Variants in RBMS2 observed in about 807,000 individuals in gnomAD.
The protein encoded by RBMS2 is RNA-binding motif, single-stranded-interacting protein 2.
Under a neutral mutation model 58.4 loss-of-function variants are expected in RBMS2, and 38 were observed. That is an observed-to-expected ratio of 0.65 (90% CI 0.50 to 0.85). RBMS2 has a LOEUF of 0.85. RBMS2 is among the 40% of genes least tolerant of loss of function. The probability of loss-of-function intolerance (pLI) is 0.00; values close to 1 mark genes in which losing one functional copy is unlikely to be tolerated. For synonymous variants in RBMS2, 151 were observed against 180.7 expected (o/e 0.84, Z 1.32); for missense variants, 367 against 503.7 (o/e 0.73, Z 2.60).
intron 5 of RBMS2, among the ~76,000 whole-genome samples, chr12:56,577,840 G>A (rs1409497633): frequency 6.6e-5 from 10 of 152,042 alleles, no homozygotes; most frequent in Admixed American, 3.3e-4. Flanking sequence ...ATGCCGCCAC[G>A]CCCGGCTAAT....
chr12:56,546,460 AAAAT>A (rs961759187), intron 1 of RBMS2, among the ~76,000 whole-genome samples: 10 of 145,590 alleles, frequency 6.9e-5, no homozygotes, highest in African/African-American at 2.2e-4. Context: ...AAAATAATAT[AAAAT>A]AAATGTATAT....
Position 56,593,459 on chromosome 12 carries a change from C to G in RBMS2, c.*4326C>G, listed in dbSNP as rs1484401716. 6.6e-6 allele frequency: 1 copy of G among 152,266 alleles called. No individual in the cohort carries two copies. Among genetic ancestry groups the G allele is most frequent in the Non-Finnish European group, 1.5e-5 (1 of 68,084 alleles). The allele number at this position is 152,266 out of a possible 1,614,324, so 9.4% of individuals were successfully genotyped here. The stretch of plus-strand genomic sequence containing the variant: ...ATGTTGCCCAGCCTCGTCTCGAACT[C>G]CTGGGCTCAAATGATCCACCCACCT... On this transcript the variant is annotated 3_prime_UTR_variant, in exon 14 of 14. Coordinates refer to ENST00000262031, the MANE Select transcript of RBMS2 (RefSeq NM_002898.4).
rs954744476 is a variant in RBMS2 at position 56,570,185 on chromosome 12, T to C, written c.384+195T>C. Among the ~76,000 whole-genome samples the C allele has an allele frequency of 2.6e-5, 4 of 152,162 alleles. No homozygotes were observed. The South Asian group carries it at 8.3e-4, about 32-fold the overall frequency. On this transcript the variant is annotated intron_variant, in intron 4 of 13. Transcript: ENST00000262031. Reference sequence around the variant, plus strand: ...ATTCAAAGTCTATGGCAGGTAGCTCTATCAGCTCTCTTCCTTTCACCAAGT... The same window carrying C: ...ATTCAAAGTCTATGGCAGGTAGCTCCATCAGCTCTCTTCCTTTCACCAAGT...
At chr12:56,554,427 T>C (rs980051269) in intron 1 of RBMS2, among the ~76,000 whole-genome samples, 9 of 152,184 alleles carry the variant, frequency 5.9e-5, no homozygotes, top group African/African-American at 2.2e-4. Context: ...CAAGATTATG[T>C]CCTTTGCATG....
intron 1 of RBMS2, among the ~76,000 whole-genome samples, chr12:56,548,984 T>A (rs1877747235): frequency 6.6e-6 from 1 of 152,098 alleles, no homozygotes; most frequent in South Asian, 2.1e-4. Flanking sequence ...AGAGCTTAAT[T>A]TTCAGAAATG....
chr12:56,542,059 A>ATT (rs11410083), intron 1 of RBMS2, among the ~76,000 whole-genome samples: 182 of 151,524 alleles, frequency 1.2e-3, no homozygotes, highest in Middle Eastern at 3.4e-3. Context: ...TAGTAGATTT[A>ATT]TTTTTTTTGA....
At chr12:56,534,513 A>G (rs1874386527) in intron 1 of RBMS2, among the ~76,000 whole-genome samples, 1 of 152,136 alleles carries the variant, frequency 6.6e-6, no homozygotes, top group African/African-American at 2.4e-5. Context: ...CATCCTTTCC[A>G]TTTTTTGATA....
rs1879236177 is a variant in RBMS2 at position 56,556,383 on chromosome 12, T to G, written c.67-6034T>G. ...CATGACTTTGTCTTTTAGCTTTTTTTTTTTTTTTTGATGACAGAGTCTCAC... is the reference window on the plus strand; with the variant it reads ...CATGACTTTGTCTTTTAGCTTTTTTGTTTTTTTTTGATGACAGAGTCTCAC... On this transcript the variant is annotated intron_variant, in intron 1 of 13. Transcript: ENST00000262031. Among the ~76,000 whole-genome samples the G allele has an allele frequency of 4.6e-5, 7 of 151,398 alleles. No individual in the cohort carries two copies. The South Asian group carries it at 1.5e-3, about 32-fold the overall frequency.
At chr12:56,558,926 T>C (rs1879830561) in intron 1 of RBMS2, among the ~76,000 whole-genome samples, 1 of 152,082 alleles carries the variant, frequency 6.6e-6, no homozygotes, top group Non-Finnish European at 1.5e-5. Context: ...AGTTAGGGTC[T>C]CACTATGTTG....
Position 56,595,282 on chromosome 12 carries a change from A to G in RBMS2, c.*6149A>G, listed in dbSNP as rs1233894395. The G allele has an allele frequency of 1.3e-5, 2 of 152,190 alleles. No homozygotes were observed. The highest frequency in any genetic ancestry group is 4.8e-5 in the African/African-American group (2 of 41,444). The allele number at this position is 152,190 out of a possible 1,614,324, so 9.4% of individuals were successfully genotyped here. On this transcript the variant is annotated 3_prime_UTR_variant, in exon 14 of 14. Coordinates refer to ENST00000262031, the MANE Select transcript of RBMS2 (RefSeq NM_002898.4). ...ACAGTTTAGGGGGTTGCACCAAGAC[A>G]AAGTTTCCAGGCTGGAGGGTAATAC...
intron 5 of RBMS2, among the ~76,000 whole-genome samples, chr12:56,579,998 C>G (rs1031927256): frequency 6.6e-6 from 1 of 152,076 alleles, no homozygotes; most frequent in African/African-American, 2.4e-5. Context: ...GGCATGATCT[C>G]AGCTCACTGC....
chr12:56,520,946 G>A (rs1306281875), upstream of RBMS2, among the ~76,000 whole-genome samples: 1 of 152,194 alleles, frequency 6.6e-6, no homozygotes, highest in Non-Finnish European at 1.5e-5. Flanking sequence ...ATATAGTCCA[G>A]TCTGATAATT....
In RBMS2 at chr12:56,549,781, C is replaced by A. The variant is rs573316168; in HGVS notation, c.67-12636C>A. ...GGGGCTCATGCCTATAATCCCAGCA[C>A]TTTGGGAGGCTGAGGCGGGCAGATC... On this transcript the variant is annotated intron_variant, in intron 1 of 13. Transcript: ENST00000262031. 1.4e-4 allele frequency among the ~76,000 whole-genome samples: 21 copies of A among 152,238 alleles called. No homozygotes were observed. In the South Asian group the frequency reaches 1.9e-3, roughly 14 times the overall value.
At chr12:56,555,215 TTTTG>T in intron 1 of RBMS2, among the ~76,000 whole-genome samples, 1 of 151,886 alleles carries the variant, frequency 6.6e-6, no homozygotes, top group Non-Finnish European at 1.5e-5. Flanking sequence ...ATTCCTTCTG[TTTTG>T]TTTTTTTTTA....
chr12:56,588,168 T>C, intron 11 of RBMS2, 126 bp from the exon 12 acceptor site: 1 of 763,396 alleles, frequency 1.3e-6, no homozygotes, highest in Non-Finnish European at 2.2e-6. Context: ...ATGCAAATGC[T>C]CAGACCAATT....
intron 1 of RBMS2, among the ~76,000 whole-genome samples, chr12:56,559,115 T>C (rs1479207057): frequency 6.6e-6 from 1 of 152,164 alleles, no homozygotes; most frequent in Non-Finnish European, 1.5e-5. Context: ...TACAGTCTCA[T>C]ATTCAGAGAA....
At chr12:56,564,872 G>A (rs1481645590) in intron 2 of RBMS2, among the ~76,000 whole-genome samples, 2 of 152,154 alleles carry the variant, frequency 1.3e-5, no homozygotes, top group Non-Finnish European at 2.9e-5. Context: ...TACTCAGGAG[G>A]CTGAGGCAGA....
At chr12:56,578,963 A>G (rs768334766) in intron 5 of RBMS2, among the ~76,000 whole-genome samples, 10 of 151,906 alleles carry the variant, frequency 6.6e-5, no homozygotes, top group Non-Finnish European at 1.2e-4. Flanking sequence ...GACTCCATCT[A>G]AAAAAACAAA....
intron 1 of RBMS2, among the ~76,000 whole-genome samples, chr12:56,538,253 G>A (rs979772466): frequency 2.6e-5 from 4 of 151,644 alleles, no homozygotes; most frequent in East Asian, 3.9e-4. Flanking sequence ...GGCTGGTGTC[G>A]AACTCCTGGC....
Sources: allele counts gnomAD v4.1 joint callset (sites outside exome capture counted in the v4.1 genomes callset), GRCh38; gene constraint gnomAD v4.1.1; transcripts MANE v1.5; gene names NCBI Gene and HGNC (gene_info 2026-07-23, HGNC 2026-07-21).